PIGU: variants seen among roughly 807,000 people sequenced by gnomAD.
PIGU encodes GPI-anchor transamidase component PIGU.
PIGU carries 24 observed loss-of-function variants against 49.9 expected under a neutral mutation model. The observed-to-expected ratio is 0.48, with a 90% CI of 0.35 to 0.68. PIGU has a LOEUF of 0.68. PIGU is among the 30% of genes least tolerant of loss of function. The pLI is 0.01. For missense variants in PIGU, 490 were observed against 532.6 expected (o/e 0.92, Z 0.79); for synonymous variants, 220 against 205.7 (o/e 1.07, Z -0.59).
Position 34,625,979 on chromosome 20 carries a change from C to T in PIGU, c.529+8636G>A, listed in dbSNP as rs997518025. On this transcript the variant is annotated intron_variant, in intron 6 of 11. Transcript: ENST00000217446. The stretch of plus-strand genomic sequence containing the variant: ...TATAATATATATATATATATACACA[C>T]ATACACAATTTTACATTGTTTAAAA... Among the ~76,000 whole-genome samples, 9 of 148,458 alleles carry T rather than the reference C, an allele frequency of 6.1e-5. No individual in the cohort carries two copies. In the East Asian group the frequency reaches 1.8e-3, roughly 29 times the overall value.
intron 1 of PIGU, among the ~76,000 whole-genome samples, chr20:34,664,950 A>T (rs190538963): frequency 7.2e-5 from 11 of 152,098 alleles, no homozygotes; most frequent in Non-Finnish European, 1.6e-4. Flanking sequence ...ACTGCACTCC[A>T]GCCTGGGCGA....
intron 11 of PIGU, among the ~76,000 whole-genome samples, chr20:34,571,953 A>G (rs1983030735): frequency 6.6e-6 from 1 of 152,132 alleles, no homozygotes. Flanking sequence ...CAGCAGCAAC[A>G]AAGTCGAAAG....
chr20:34,581,610 G>C lies in PIGU; in HGVS notation c.989C>G (p.Pro330Arg), dbSNP rs555958102. The C allele has an allele frequency of 4.3e-6, 7 of 1,613,944 alleles. No homozygotes were observed. The Admixed American group carries it at 1.2e-4, about 27-fold the overall frequency. The change falls in exon 10 of 12, where the codon CCG (proline) becomes CGG (arginine). Residue 330 changes from proline (P) to arginine (R), a missense_variant. Physicochemically the swap from Pro to Arg is moderately radical, Grantham distance 103. Coordinates refer to ENST00000217446, the MANE Select transcript of PIGU (RefSeq NM_080476.5). ...GTAGAGCGCCACGTCCCCCACTGTC[G>C]GGTAGGACTTAAAGATGGCGATGAC... ...IAVIAIFKSYPTVGDVALYMA... is the reference protein window; with the variant it reads ...IAVIAIFKSYRTVGDVALYMA...
At chr20:34,589,948 G>T (rs1270396526) in intron 7 of PIGU, among the ~76,000 whole-genome samples, 5 of 151,952 alleles carry the variant, frequency 3.3e-5, no homozygotes, top group African/African-American at 7.3e-5. Context: ...GAGCCACTGC[G>T]CCTGGCCTCA....
chr20:34,595,171 A>C (rs561730312), intron 7 of PIGU, among the ~76,000 whole-genome samples: 56 of 151,992 alleles, frequency 3.7e-4, no homozygotes, highest in Non-Finnish European at 7.4e-4. Context: ...TGTGAAAGGA[A>C]TACAGGAAAG....
At chr20:34,606,177 C>T (rs575089515) in intron 7 of PIGU, among the ~76,000 whole-genome samples, 1 of 151,026 alleles carries the variant, frequency 6.6e-6, no homozygotes, top group South Asian at 2.1e-4. Context: ...ATCGCTTGAA[C>T]CTGAGAGGCG....
rs373303859 is a variant in PIGU, at chr20:34,621,793, A to C, written c.530-5654T>G. On this transcript the variant is annotated intron_variant, in intron 6 of 11. Transcript: ENST00000217446. ...CATTTCTGGAGTTTGCTCTATACGA[A>C]GAGTGTGATGGGTGCCAGGAAACCT... is the stretch of plus-strand genomic sequence containing the variant. Among the ~76,000 whole-genome samples, 6 of 152,320 alleles carry C rather than the reference A, an allele frequency of 3.9e-5. No homozygotes were observed. The East Asian group carries it at 1.2e-3, about 29-fold the overall frequency.
intron 6 of PIGU, among the ~76,000 whole-genome samples, chr20:34,631,785 ATTTTTTTTTTTTT>A (rs1166878990): frequency 4.7e-4 from 3 of 6,442 alleles, no homozygotes; most frequent in Admixed American, 2.5e-3. Context: ...ATATATATAT[ATTTTTTTTTTTTT>A]TTTTTTTTTT....
chr20:34,634,780 AG>A (rs1488701121), intron 5 of PIGU, 65 bp from the exon 6 acceptor site: 1 of 1,571,622 alleles, frequency 6.4e-7, no homozygotes, highest in Non-Finnish European at 8.6e-7. Flanking sequence ...CATTACAGCA[AG>A]GAAGTTCCAA....
rs1987343819 is a variant in PIGU, at chr20:34,672,688, A to C, written c.130+4268T>G. Among the ~76,000 whole-genome samples the C allele has an allele frequency of 2.0e-5, 3 of 151,774 alleles. No individual in the cohort carries two copies. In the Admixed American group the frequency reaches 2.0e-4, roughly 10 times the overall value. On this transcript the variant is annotated intron_variant, in intron 1 of 11. Transcript: ENST00000217446. ...GGCAATATATTGAGACCCCATCTCTACAAAAAACAATAAAAAACAATTAGC... is the reference window on the plus strand; with the variant it reads ...GGCAATATATTGAGACCCCATCTCTCCAAAAAACAATAAAAAACAATTAGC...
chr20:34,572,350 T>A (rs1983047916), intron 11 of PIGU, among the ~76,000 whole-genome samples: 1 of 151,920 alleles, frequency 6.6e-6, no homozygotes, highest in African/African-American at 2.4e-5. Context: ...CTCTTACATT[T>A]AAAGTGACAA....
chr20:34,663,542 A>G (rs1170463995), intron 1 of PIGU, among the ~76,000 whole-genome samples: 1 of 152,212 alleles, frequency 6.6e-6, no homozygotes, highest in Non-Finnish European at 1.5e-5. Flanking sequence ...GGAGTGGGCT[A>G]TAATTATGAC....
intron 1 of PIGU, among the ~76,000 whole-genome samples, chr20:34,659,575 G>A (rs1986863681): frequency 6.6e-6 from 1 of 152,224 alleles, no homozygotes; most frequent in South Asian, 2.1e-4. Context: ...TTGAGAACGG[G>A]CCAGGATGAC....
In PIGU at chr20:34,585,568, T is replaced by C. The variant is rs1461045050; in HGVS notation, c.795A>G (p.Pro265=). Residue 265 remains proline, a synonymous_variant, in exon 9 of 12, where the codon CCA becomes CCG. Coordinates refer to ENST00000217446, the MANE Select transcript of PIGU (RefSeq NM_080476.5). ...PAVYGFILSV[P]DLTPNIGLFW... is the part of the protein sequence containing the mutation. Reference sequence around the variant, plus strand: ...AAAGACCAATGTTTGGAGTGAGATCTGGAACAGAAAGTCTGGAATTAAGAA... The same window carrying C: ...AAAGACCAATGTTTGGAGTGAGATCCGGAACAGAAAGTCTGGAATTAAGAA... 6.2e-7 allele frequency: 1 copy of C among 1,613,492 alleles called. No homozygotes were observed. The highest frequency in any genetic ancestry group is 1.1e-5 in the South Asian group (1 of 91,042).
intron 7 of PIGU, among the ~76,000 whole-genome samples, chr20:34,601,779 G>T (rs1984434066): frequency 6.6e-6 from 1 of 152,104 alleles, no homozygotes; most frequent in South Asian, 2.1e-4. Context: ...CTAACCTTCT[G>T]TTTGTTCTTT....
In PIGU at chr20:34,592,926, C is replaced by T. The variant is rs1487187009; in HGVS notation, c.628-4319G>A. On this transcript the variant is annotated intron_variant, in intron 7 of 11. Transcript: ENST00000217446. ...AAATCAACATATTTACATAGATATACATAATATGGCAAAATGATAACTGAA... is the reference window on the plus strand; with the variant it reads ...AAATCAACATATTTACATAGATATATATAATATGGCAAAATGATAACTGAA... Among the ~76,000 whole-genome samples the T allele has an allele frequency of 2.0e-5, 3 of 151,864 alleles. No individual in the cohort carries two copies. The East Asian group carries it at 5.8e-4, about 29-fold the overall frequency.
chr20:34,621,184 C>T (rs1362818480), intron 6 of PIGU, among the ~76,000 whole-genome samples: 1 of 152,008 alleles, frequency 6.6e-6, no homozygotes, highest in Non-Finnish European at 1.5e-5. Context: ...GTTCCTGGCA[C>T]ATGTGATAAA....
rs1231698621 is a variant in PIGU at position 34,645,262 on chromosome 20, G to GA, written c.255+12dup. On this transcript the variant is annotated intron_variant, in intron 3 of 11. Transcript: ENST00000217446. ...AATATATACATATCAATTTTATATG[G>GA]AAGGTTACTTACCATAAACACCAAT... is the stretch of plus-strand genomic sequence containing the variant. The GA allele has an allele frequency of 1.3e-6, 2 of 1,550,540 alleles. No homozygotes were observed. The highest frequency in any genetic ancestry group is 4.7e-5 in the East Asian group (2 of 42,298).
At chr20:34,636,049 C>A (rs1429185792) in intron 5 of PIGU, among the ~76,000 whole-genome samples, 1 of 149,406 alleles carries the variant, frequency 6.7e-6, no homozygotes, top group African/African-American at 2.5e-5. Flanking sequence ...CATAAAAAAA[C>A]CCTTAGCCAG....
Sources: allele counts gnomAD v4.1 joint callset (sites outside exome capture counted in the v4.1 genomes callset), GRCh38; gene constraint gnomAD v4.1.1; transcripts MANE v1.5; gene names NCBI Gene and HGNC (gene_info 2026-07-23, HGNC 2026-07-21).